Variants in RIMS2 observed in about 807,000 individuals in gnomAD.
RIMS2 encodes regulating synaptic membrane exocytosis 2, also known as regulating synaptic membrane exocytosis protein 2.
Under a neutral mutation model 174.4 loss-of-function variants are expected in RIMS2, and 59 were observed. The observed-to-expected ratio is 0.34, with a 90% confidence interval of 0.27 to 0.42. RIMS2 has a LOEUF of 0.42. Among genes scored for constraint, RIMS2 ranks in the 10% least tolerant of loss-of-function variants. The pLI is 1.00. For missense variants in RIMS2, 1,620 were observed against 1,666.3 expected (o/e 0.97, Z 0.48); for synonymous variants, 606 against 572.5 (o/e 1.06, Z -0.84).
At chr8:103,941,623 A>T (rs571643116) in intron 13 of RIMS2, among the ~76,000 whole-genome samples, 2 of 151,078 alleles carry the variant, frequency 1.3e-5, no homozygotes, top group African/African-American at 4.9e-5. Context: ...ACAACCTCCT[A>T]AAAAAAATAG....
chr8:103,730,872 T>C lies in RIMS2; in HGVS notation c.387+33576T>C, dbSNP rs146592597. 6.5e-3 allele frequency among the ~76,000 whole-genome samples: 986 copies of C among 152,310 alleles called. 5 individuals carry two copies. The highest frequency in any genetic ancestry group is 0.011 in the Non-Finnish European group (773 of 68,032). On this transcript the variant is annotated intron_variant, in intron 2 of 23. Coordinates refer to ENST00000504942, the Ensembl canonical transcript of RIMS2. ...GTGTATTAGTTCATTTTTATGTTGC[T>C]GATAAATGCATATCCGAGACTGGAT... is the stretch of plus-strand genomic sequence containing the variant.
At chr8:103,974,251 TA>T (rs1405169328) in intron 15 of RIMS2, among the ~76,000 whole-genome samples, 2 of 152,232 alleles carry the variant, frequency 1.3e-5, no homozygotes, top group Non-Finnish European at 2.9e-5. Context: ...ATTATCATGA[TA>T]GGAAATATTA....
At chr8:103,658,795 T>A (rs1418640919) in intron 1 of RIMS2, among the ~76,000 whole-genome samples, 5 of 151,486 alleles carry the variant, frequency 3.3e-5, no homozygotes, top group Admixed American at 2.6e-4. Context: ...AGATCTCAGG[T>A]CATAGAGAGT....
intron 3 of RIMS2, among the ~76,000 whole-genome samples, chr8:103,825,446 A>ATTTTTTTTTTTTTT (rs35460743): frequency 7.6e-6 from 1 of 131,850 alleles, no homozygotes; most frequent in African/African-American, 2.9e-5. Flanking sequence ...TGGCTAGCTA[A>ATTTTTTTTTTTTTT]TTTTTTTTTT....
intron 1 of RIMS2, among the ~76,000 whole-genome samples, chr8:103,587,414 AAGAAAGAAAG>A (rs1443480142): frequency 2.7e-5 from 1 of 37,714 alleles, no homozygotes; most frequent in African/African-American, 6.8e-5. Flanking sequence ...AAAAAGAAGA[AAGAAAGAAAG>A]AAAGAAAGAA....
Position 103,910,314 on chromosome 8 carries a change from C to A in RIMS2, c.1692+113C>A. The A allele has an allele frequency of 1.3e-6, 2 of 1,552,896 alleles. No homozygotes were observed. The highest frequency in any genetic ancestry group is 1.8e-6 in the Non-Finnish European group (2 of 1,137,218). The stretch of plus-strand genomic sequence containing the variant: ...ATCTTTTTTTTTTTTTTATCCCATA[C>A]CTGTAGGGGACAGTCAAAAGGGAAA... On this transcript the variant is annotated intron_variant, in intron 5 of 23. Coordinates refer to ENST00000504942, the Ensembl canonical transcript of RIMS2.
At chr8:104,093,611 A>G (rs766646725) in intron 19 of RIMS2, 10 of 1,597,192 alleles carry the variant, frequency 6.3e-6, no homozygotes, top group Non-Finnish European at 7.6e-6. Context: ...TGTCTGTCCA[A>G]TCAGAACGCC....
intron 19 of RIMS2, among the ~76,000 whole-genome samples, chr8:104,035,976 A>C (rs1353389983): frequency 6.6e-6 from 1 of 152,116 alleles, no homozygotes; most frequent in African/African-American, 2.4e-5. Context: ...GTAACCATGA[A>C]GTGAAATTTC....
intron 3 of RIMS2, among the ~76,000 whole-genome samples, chr8:103,843,661 G>A (rs1450196338): frequency 6.6e-6 from 1 of 152,140 alleles, no homozygotes; most frequent in African/African-American, 2.4e-5. Context: ...TTAGAATAGT[G>A]CATATTTCCC....
intron 3 of RIMS2, among the ~76,000 whole-genome samples, chr8:103,868,478 G>T (rs113781663): frequency 2.0e-5 from 3 of 152,006 alleles, no homozygotes; most frequent in African/African-American, 7.2e-5. Flanking sequence ...TTCTAAAAAG[G>T]TCATGAATCT....
rs563325355 is a variant in RIMS2 at position 103,666,634 on chromosome 8, C to A, written c.177-30452C>A. On this transcript the variant is annotated intron_variant, in intron 1 of 23. Coordinates refer to ENST00000504942, the Ensembl canonical transcript of RIMS2. ...TTTCTGGTCTTTTTTGGGGGGCTAT[C>A]TGCTTCTTTAAAGTTTCAATTTGAT... is the stretch of plus-strand genomic sequence containing the variant. Among the ~76,000 whole-genome samples the A allele has an allele frequency of 2.0e-5, 3 of 152,160 alleles. No individual in the cohort carries two copies. The East Asian group carries it at 5.8e-4, about 29-fold the overall frequency.
intron 9 of RIMS2, among the ~76,000 whole-genome samples, chr8:103,918,869 C>T (rs1032605310): frequency 1.3e-5 from 2 of 152,044 alleles, no homozygotes; most frequent in Non-Finnish European, 2.9e-5. Context: ...AAAACTTCCC[C>T]TAGTTTTAAA....
At chr8:104,233,438 G>C (rs1411045871) in intron 19 of RIMS2, among the ~76,000 whole-genome samples, 16 of 152,272 alleles carry the variant, frequency 1.1e-4, no homozygotes, top group Non-Finnish European at 2.9e-5. Flanking sequence ...TTAGAAAGGA[G>C]AGAATAGGAA....
At chr8:104,159,101 G>T (rs911965087) in intron 19 of RIMS2, among the ~76,000 whole-genome samples, 30 of 152,222 alleles carry the variant, frequency 2.0e-4, no homozygotes, top group Admixed American at 7.2e-4. Context: ...TCCAGTTTCA[G>T]CTTTCTACAT....
intron 1 of RIMS2, among the ~76,000 whole-genome samples, chr8:103,553,976 G>A (rs560021144): frequency 8.5e-5 from 13 of 152,166 alleles, no homozygotes; most frequent in African/African-American, 3.1e-4. Context: ...AATAAATAGT[G>A]CTGGAATAAC....
chr8:103,500,644 C>T (rs1006610592), upstream of RIMS2: 13 of 482,650 alleles, frequency 2.7e-5, no homozygotes, highest in Admixed American at 1.1e-4. Context: ...CACTTCACAG[C>T]CCTTCGCCCC....
At position 104,072,136 on chromosome 8, in the gene RIMS2, T is replaced by G. The variant is rs544082895; in HGVS notation, c.3334+57521T>G. 3.6e-4 allele frequency among the ~76,000 whole-genome samples: 55 copies of G among 152,314 alleles called. 2 individuals are homozygous for G. In the South Asian group the frequency reaches 0.01, roughly 28 times the overall value. ...AGCATTTCTTGATGTGGAACTATCT[T>G]TGCTGGATCACCTATCTCCCCATCA... On this transcript the variant is annotated intron_variant, in intron 19 of 23. Transcript: ENST00000504942.
intron 19 of RIMS2, among the ~76,000 whole-genome samples, chr8:104,130,509 G>A (rs1171868946): frequency 6.6e-6 from 1 of 152,084 alleles, no homozygotes; most frequent in Non-Finnish European, 1.5e-5. Flanking sequence ...GAGGATTGGG[G>A]GACCTACTTT....
Position 104,108,296 on chromosome 8 carries a change from T to C in RIMS2, c.3334+93681T>C, listed in dbSNP as rs2098115765. ...TCATCCAGGCTGTATCATATCTCAC[T>C]GCATGATCATATCTCACTGCATGAT... is the stretch of plus-strand genomic sequence containing the variant. On this transcript the variant is annotated intron_variant, in intron 19 of 23. Transcript: ENST00000504942. Among the ~76,000 whole-genome samples, 10 of 152,090 alleles carry C rather than the reference T, an allele frequency of 6.6e-5. No individual in the cohort carries two copies. The South Asian group carries it at 2.1e-3, about 32-fold the overall frequency.
Sources: gnomAD v4.1 joint callset for allele counts (sites outside exome capture counted in the v4.1 genomes callset) on GRCh38, gnomAD v4.1.1 for gene constraint, MANE v1.5 for transcripts, NCBI Gene and HGNC (gene_info 2026-07-23, HGNC 2026-07-21) for gene names.